Variants in TENM3 observed in about 807,000 individuals in gnomAD.
TENM3 encodes the protein teneurin transmembrane protein 3.
TENM3 carries 63 observed loss-of-function variants against 255.1 expected under a neutral mutation model. That is an observed-to-expected ratio of 0.25 (90% CI 0.20 to 0.30). The LOEUF is 0.30. TENM3 is among the 10% of genes least tolerant of loss of function. TENM3 has a pLI of 1.00. For missense variants in TENM3, 2,929 were observed against 3,461.1 expected, an observed-to-expected ratio of 0.85 and a Z score of 3.86; for synonymous variants, 1,306 against 1,322.3, an observed-to-expected ratio of 0.99 and a Z score of 0.27.
intron 3 of TENM3, among the ~76,000 whole-genome samples, chr4:182,425,904 G>A (rs1232813251): frequency 2.6e-5 from 4 of 151,052 alleles, no homozygotes; most frequent in Non-Finnish European, 4.4e-5. Context: ...GCTACTCAGG[G>A]GACTGAGGCA....
the TENM3 span, among the ~76,000 whole-genome samples, chr4:181,826,958 T>C: frequency 1.3e-5 from 2 of 152,178 alleles, no homozygotes; most frequent in Non-Finnish European, 2.9e-5. Flanking sequence ...AGAAGTGTGG[T>C]GTTGCAGAAA....
At chr4:182,295,571 A>G (rs1428287647) in intron 1 of TENM3, among the ~76,000 whole-genome samples, 1 of 151,940 alleles carries the variant, frequency 6.6e-6, no homozygotes, top group African/African-American at 2.4e-5. Flanking sequence ...GCCGGATGGT[A>G]TATGTGCTTT....
At chr4:181,619,189 A>G in the TENM3 span, among the ~76,000 whole-genome samples, 1 of 151,988 alleles carries the variant, frequency 6.6e-6, no homozygotes, top group Non-Finnish European at 1.5e-5. Flanking sequence ...CGTCTGCTCT[A>G]CTTGCAGCTC....
At chr4:182,697,583 C>A (rs185920343) in intron 12 of TENM3, among the ~76,000 whole-genome samples, 3 of 150,514 alleles carry the variant, frequency 2.0e-5, no homozygotes, top group Non-Finnish European at 4.4e-5. Flanking sequence ...TCATGGAAAG[C>A]CCCCTTCAGA....
chr4:182,125,161 GCGCA>G, the TENM3 span, among the ~76,000 whole-genome samples: 4 of 125,554 alleles, frequency 3.2e-5, no homozygotes, highest in Non-Finnish European at 5.2e-5. Flanking sequence ...CCATTGCCCA[GCGCA>G]TCCACGCTGT....
At chr4:182,387,753 A>G (rs191009294) in intron 3 of TENM3, among the ~76,000 whole-genome samples, 2 of 151,988 alleles carry the variant, frequency 1.3e-5, no homozygotes, top group East Asian at 1.9e-4. Flanking sequence ...GAGACCACGA[A>G]CCCACCAGAA....
At chr4:182,633,028 C>T (rs1369238356) in intron 5 of TENM3, among the ~76,000 whole-genome samples, 1 of 152,160 alleles carries the variant, frequency 6.6e-6, no homozygotes, top group Admixed American at 6.5e-5. Flanking sequence ...CTCCTGGGCT[C>T]AAGTGATCCT....
the TENM3 span, among the ~76,000 whole-genome samples, chr4:181,514,328 C>T: frequency 3.3e-5 from 5 of 152,106 alleles, no homozygotes; most frequent in African/African-American, 9.7e-5. Flanking sequence ...TCTGTGCCTA[C>T]CTCATTAACA....
intron 1 of TENM3, among the ~76,000 whole-genome samples, chr4:182,247,758 T>G (rs1757749197): frequency 6.6e-6 from 1 of 152,232 alleles, no homozygotes; most frequent in Non-Finnish European, 1.5e-5. Context: ...TAGGATTTTA[T>G]AATTCTGTGA....
At chr4:181,671,223 T>C in the TENM3 span, among the ~76,000 whole-genome samples, 2 of 152,166 alleles carry the variant, frequency 1.3e-5, no homozygotes, top group Non-Finnish European at 2.9e-5. Context: ...TTACCTCCTA[T>C]TATAAATATG....
intron 3 of TENM3, among the ~76,000 whole-genome samples, chr4:182,523,531 G>T (rs1738802318): frequency 6.6e-6 from 1 of 152,152 alleles, no homozygotes; most frequent in Non-Finnish European, 1.5e-5. Flanking sequence ...GAGAATTGCT[G>T]TATTGTAGTA....
chr4:181,754,721 G>C, the TENM3 span, among the ~76,000 whole-genome samples: 1 of 152,162 alleles, frequency 6.6e-6, no homozygotes, highest in Non-Finnish European at 1.5e-5. Flanking sequence ...GAGGGCCTTG[G>C]ATAGCAGGCA....
At chr4:182,690,226 A>G (rs1374248418) in intron 12 of TENM3, among the ~76,000 whole-genome samples, 1 of 152,204 alleles carries the variant, frequency 6.6e-6, no homozygotes, top group Non-Finnish European at 1.5e-5. Context: ...GAAATCAACA[A>G]CAGGTGCCCA....
At chr4:182,085,980 T>G in the TENM3 span, among the ~76,000 whole-genome samples, 11 of 152,212 alleles carry the variant, frequency 7.2e-5, no homozygotes, top group Non-Finnish European at 1.5e-4. Flanking sequence ...GGAATTGTTA[T>G]AAGTTGTGAT....
At chr4:181,667,397 G>T in the TENM3 span, among the ~76,000 whole-genome samples, 37 of 152,018 alleles carry the variant, frequency 2.4e-4, no homozygotes, top group African/African-American at 7.9e-4. Flanking sequence ...ACAATGGCTC[G>T]CAAACCATCT....
chr4:181,613,908 A>T, the TENM3 span, among the ~76,000 whole-genome samples: 4 of 152,202 alleles, frequency 2.6e-5, no homozygotes, highest in Admixed American at 2.6e-4. Context: ...TGAGTGCAGA[A>T]GTAGGTGAGA....
chr4:182,527,294 C>T (rs1739298959), intron 3 of TENM3, among the ~76,000 whole-genome samples: 1 of 152,080 alleles, frequency 6.6e-6, no homozygotes, highest in Admixed American at 6.6e-5. Flanking sequence ...CAAAAAGAAA[C>T]TTGCTTGCTG....
In TENM3 at chr4:182,753,610, T is replaced by G. The variant is rs774006188; in HGVS notation, c.4017+6T>G. 11 of 1,613,186 alleles carry G rather than the reference T, an allele frequency of 6.8e-6. No homozygotes were observed. In the East Asian group the frequency reaches 1.3e-4, roughly 20 times the overall value. Reference sequence around the variant, plus strand: ...CCAGCATGCACATCAGCCAGGTAGTTAAATACTAAGCGGACTTGTTTGTTT... The same window carrying G: ...CCAGCATGCACATCAGCCAGGTAGTGAAATACTAAGCGGACTTGTTTGTTT... On this transcript the variant is annotated splice_donor_region_variant and intron_variant, in intron 21 of 27. Coordinates refer to ENST00000511685, the MANE Select transcript of TENM3 (RefSeq NM_001080477.4).
chr4:181,605,584 G>GAAAGAAAAGAAAGAAAGAAAGAAAGAAA, the TENM3 span, among the ~76,000 whole-genome samples: 4 of 69,142 alleles, frequency 5.8e-5, no homozygotes, highest in African/African-American at 1.7e-4. Flanking sequence ...GAGAAAGAAA[G>GAAAGAAAAGAAAGAAAGAAAGAAAGAAA]GAAAGAAAGA....
Sources: gnomAD v4.1 joint callset for allele counts (sites outside exome capture counted in the v4.1 genomes callset) on GRCh38, gnomAD v4.1.1 for gene constraint, MANE v1.5 for transcripts, NCBI Gene and HGNC (gene_info 2026-07-23, HGNC 2026-07-21) for gene names.